Variants in FLYWCH1 observed in about 807,000 individuals in gnomAD.
FLYWCH1 encodes the protein FLYWCH-type zinc finger-containing protein 1.
FLYWCH1 carries 75 observed loss-of-function variants against 66.4 expected under a neutral mutation model. The ratio of observed to expected loss-of-function variants is 1.13; its 90% CI spans 0.94 to 1.37. The LOEUF (loss-of-function observed/expected upper bound fraction) is 1.37. Ranked by LOEUF, FLYWCH1 falls within the 40% of genes most tolerant of loss-of-function variation. The pLI, the probability that FLYWCH1 is intolerant of heterozygous loss-of-function variation, is 0.00. For missense variants in FLYWCH1, 1,334 were observed against 1,001.8 expected, an observed-to-expected ratio of 1.33 and a Z score of -4.48; for synonymous variants, 595 against 429.9, an observed-to-expected ratio of 1.38 and a Z score of -4.75.
Position 2,937,368 on chromosome 16 carries a change from G to T in FLYWCH1, c.1761G>T (p.Ala587=), listed in dbSNP as rs201307652. 9.5e-6 allele frequency: 15 copies of T among 1,576,934 alleles called. No individual in the cohort carries two copies. Among genetic ancestry groups the T allele is most frequent in the South Asian group, 4.7e-5 (4 of 85,768 alleles). ...LRQREHFPNL[A]QWDSPDPLRP... is the part of the protein sequence containing the mutation. Reference sequence around the variant, plus strand: ...AGCGGGAGCACTTCCCCAACCTGGCGCAGTGGGACAGCCCAGGTGCGTGTG... The same window carrying T: ...AGCGGGAGCACTTCCCCAACCTGGCTCAGTGGGACAGCCCAGGTGCGTGTG... Residue 587 remains alanine, a synonymous_variant, in exon 7 of 10, where the codon GCG becomes GCT. Coordinates refer to ENST00000253928, the MANE Select transcript of FLYWCH1 (RefSeq NM_001308068.2).
chr16:2,925,019 C>G (rs139957954), intron 2 of FLYWCH1, among the ~76,000 whole-genome samples: 6 of 152,350 alleles, frequency 3.9e-5, no homozygotes, highest in Non-Finnish European at 7.4e-5. Context: ...TCCCCACCTT[C>G]ACTCTGACGG....
intron 9 of FLYWCH1, among the ~76,000 whole-genome samples, chr16:2,941,991 A>G (rs2071280816): frequency 1.8e-5 from 2 of 109,960 alleles, no homozygotes; most frequent in African/African-American, 4.4e-5. Context: ...AGCAAGACTC[A>G]TCTCAAAAAA....
At position 2,933,144 on chromosome 16, in the gene FLYWCH1, C is replaced by T; in HGVS notation, c.811C>T (p.Leu271Phe). 1 of 1,613,452 alleles carries T rather than the reference C, an allele frequency of 6.2e-7. No homozygotes were observed. Among genetic ancestry groups the T allele is most frequent in the Non-Finnish European group, 8.5e-7 (1 of 1,179,718 alleles). ...CTCTCCTCTAGGACAGGCCCGGCCC[C>T]TCGAGTTCCTGAGGACGTGCTACGG... Reference protein sequence around the residue: ...SILGLGQARPLEFLRTCYGGS... With the variant: ...SILGLGQARPFEFLRTCYGGS... The change falls in exon 5 of 10, where the codon CTC becomes TTC. Residue 271 changes from leucine (L) to phenylalanine (F), a missense_variant. Coordinates refer to ENST00000253928, the MANE Select transcript of FLYWCH1 (RefSeq NM_001308068.2).
intron 9 of FLYWCH1, among the ~76,000 whole-genome samples, chr16:2,944,865 C>T (rs1345763702): frequency 2.6e-5 from 4 of 151,792 alleles, no homozygotes; most frequent in African/African-American, 7.3e-5. Flanking sequence ...CGGCCTCAGG[C>T]AGGTCCTTCA....
In FLYWCH1 at chr16:2,950,080, C is replaced by G. The variant is rs547710462; in HGVS notation, c.*1353C>G. 13 of 152,194 alleles carry G rather than the reference C, an allele frequency of 8.5e-5. No individual in the cohort carries two copies. The South Asian group carries it at 2.7e-3, about 32-fold the overall frequency. The allele number at this position is 152,194 out of a possible 1,614,324, so 9.4% of individuals were successfully genotyped here. A position where few individuals can be genotyped will look rare whatever the true frequency, so the allele number is the denominator to read the frequency against. On this transcript the variant is annotated 3_prime_UTR_variant, in exon 10 of 10. Transcript: ENST00000253928. ...ATGGCAGGACATTTGCGTCGTGTTG[C>G]TGGAAGAGGCAGGATGCTCTGTTCT...
chr16:2,937,403 G>A lies in FLYWCH1; in HGVS notation c.1777+19G>A, dbSNP rs905311834. ...AGCCCAGGTGCGTGTGGAGGGTGCT[G>A]GGCTGGGTCTGCCTGGTCTCCCAGG... On this transcript the variant is annotated intron_variant, in intron 7 of 9. Coordinates refer to ENST00000253928, the MANE Select transcript of FLYWCH1 (RefSeq NM_001308068.2). 3.3e-6 allele frequency: 5 copies of A among 1,517,054 alleles called. No homozygotes were observed. Among genetic ancestry groups the A allele is most frequent in the East Asian group, 2.3e-5 (1 of 43,752 alleles). The allele number at this position is 1,517,054 out of a possible 1,614,324, so 94.0% of individuals were successfully genotyped here. A position where few individuals can be genotyped will look rare whatever the true frequency, so the allele number is the denominator to read the frequency against.
At chr16:2,946,392 G>C (rs796178384) in intron 9 of FLYWCH1, among the ~76,000 whole-genome samples, 1 of 147,334 alleles carries the variant, frequency 6.8e-6, no homozygotes, top group East Asian at 2.0e-4. Context: ...TGAGATCTCG[G>C]CTCACTGCAA....
intron 2 of FLYWCH1, among the ~76,000 whole-genome samples, chr16:2,929,199 T>G (rs1369174508): frequency 6.6e-6 from 1 of 152,122 alleles, no homozygotes; most frequent in Non-Finnish European, 1.5e-5. Context: ...CAGCCTCAAG[T>G]GTATCACAGG....
At chr16:2,924,727 A>G (rs975476589) in intron 2 of FLYWCH1, among the ~76,000 whole-genome samples, 4 of 152,162 alleles carry the variant, frequency 2.6e-5, no homozygotes, top group African/African-American at 9.7e-5. Context: ...GGGCCTGTGG[A>G]CTTTAACGGG....
Position 2,929,851 on chromosome 16 carries a change from G to A in FLYWCH1, c.166G>A (p.Gly56Arg). 1.1e-5 allele frequency: 17 copies of A among 1,613,956 alleles called. No individual in the cohort carries two copies. The highest frequency in any genetic ancestry group is 1.4e-5 in the Non-Finnish European group (17 of 1,179,896). Residue 56 changes from glycine (G) to arginine (R), a missense_variant, in exon 3 of 10, where the codon GGA (glycine) becomes AGA (arginine). By Grantham distance (125) the Gly-to-Arg change is moderately radical (BLOSUM62 -2). Transcript: ENST00000253928. ...CTCCGACCAAGATGAGGATGGGGTG[G>A]GATCCAAGCCCCAGGAAGTGCACTG... ...TASDQDEDGVGSKPQEVHCVL... is the reference protein window; with the variant it reads ...TASDQDEDGVRSKPQEVHCVL...
intron 9 of FLYWCH1, among the ~76,000 whole-genome samples, chr16:2,942,720 CTTTTTTTTT>C (rs34247000): frequency 3.6e-5 from 3 of 82,784 alleles, no homozygotes; most frequent in African/African-American, 1.0e-4. Flanking sequence ...CATCTGGGAA[CTTTTTTTTT>C]TTTTTTTTTT....
chr16:2,919,594 G>A (rs1340830670), intron 2 of FLYWCH1, among the ~76,000 whole-genome samples: 1 of 152,046 alleles, frequency 6.6e-6, no homozygotes, highest in South Asian at 2.1e-4. Context: ...GGGGTCATGT[G>A]ATGTTGCCCA....
intron 1 of FLYWCH1, among the ~76,000 whole-genome samples, chr16:2,913,411 G>T (rs951950742): frequency 6.6e-6 from 1 of 152,054 alleles, no homozygotes; most frequent in Non-Finnish European, 1.5e-5. Flanking sequence ...GGCTGGGGGG[G>T]TCTCATTGGC....
chr16:2,944,088 C>T (rs1404528279), intron 9 of FLYWCH1, among the ~76,000 whole-genome samples: 1 of 151,918 alleles, frequency 6.6e-6, no homozygotes, highest in African/African-American at 2.4e-5. Flanking sequence ...GGAGAGAGAA[C>T]CTGTCTCAGA....
At chr16:2,922,987 G>A (rs2070428537) in intron 2 of FLYWCH1, 2 of 508,262 alleles carry the variant, frequency 3.9e-6, no homozygotes, top group Non-Finnish European at 7.8e-6. Context: ...TGGGCTGCCA[G>A]AAGGCGGGTG....
At chr16:2,934,242 C>T (rs1003893166) in intron 6 of FLYWCH1, among the ~76,000 whole-genome samples, 4 of 152,082 alleles carry the variant, frequency 2.6e-5, no homozygotes, top group Admixed American at 2.0e-4. Context: ...ACCTCCCTGC[C>T]CTCCTCTTCC....
chr16:2,933,984 C>T lies in FLYWCH1; in HGVS notation c.1513+5C>T, dbSNP rs748148152. ...CGGCGCAGCGGGGGAGCCCAGGTACCTGGGGGTGGGCTGGGAGCTGGGCCC... is the reference window on the plus strand; with the variant it reads ...CGGCGCAGCGGGGGAGCCCAGGTACTTGGGGGTGGGCTGGGAGCTGGGCCC... On this transcript the variant is annotated splice_donor_5th_base_variant and intron_variant, in intron 6 of 9. Transcript: ENST00000253928. 17 of 1,519,856 alleles carry T rather than the reference C, an allele frequency of 1.1e-5. No homozygotes were observed. Among genetic ancestry groups the T allele is most frequent in the East Asian group, 4.9e-5 (2 of 40,654 alleles). The allele number at this position is 1,519,856 out of a possible 1,614,324, so 94.1% of individuals were successfully genotyped here.
chr16:2,912,450 G>A (rs951648428), intron 1 of FLYWCH1, among the ~76,000 whole-genome samples: 5 of 151,092 alleles, frequency 3.3e-5, no homozygotes, highest in African/African-American at 9.7e-5. Flanking sequence ...TGGACCCGCA[G>A]CATCAGCCCC....
At chr16:2,937,499 C>T (rs1043049248) in intron 7 of FLYWCH1, 115 bp downstream of exon 7, 22 of 1,265,478 alleles carry the variant, frequency 1.7e-5, no homozygotes, top group Middle Eastern at 2.8e-4. Context: ...GTCTGACAGC[C>T]GGGGCCATAA....
Sources: gnomAD v4.1 joint callset for allele counts (sites outside exome capture counted in the v4.1 genomes callset) on GRCh38, gnomAD v4.1.1 for gene constraint, MANE v1.5 for transcripts, NCBI Gene and HGNC (gene_info 2026-07-23, HGNC 2026-07-21) for gene names.